Variants in NOSIP observed in about 807,000 individuals in gnomAD.
NOSIP encodes the protein nitric oxide synthase-interacting protein.
NOSIP carries 25 observed loss-of-function variants against 36.4 expected under a neutral mutation model. The ratio of observed to expected loss-of-function variants is 0.69; its 90% confidence interval spans 0.50 to 0.96. The LOEUF is 0.96. NOSIP is among the 40% of genes least tolerant of loss of function. The pLI is 0.00. For synonymous variants in NOSIP, 187 were observed against 179.2 expected (o/e 1.04, Z -0.35); for missense variants, 370 against 429.0 (o/e 0.86, Z 1.21).
intron 1 of NOSIP, among the ~76,000 whole-genome samples, chr19:49,565,487 G>A (rs146531011): frequency 8.5e-4 from 129 of 152,190 alleles, no homozygotes; most frequent in African/African-American, 2.9e-3. Flanking sequence ...CATGGTGCAC[G>A]CCTGTAATCT....
At position 49,564,245 on chromosome 19, in the gene NOSIP, G is replaced by A. The variant is rs1053023012; in HGVS notation, c.-1-3553C>T. On this transcript the variant is annotated intron_variant, in intron 1 of 8. Coordinates refer to ENST00000596358, the MANE Select transcript of NOSIP (RefSeq NM_001270960.2). ...AAGCGGGCAGATCACTTGAGGTCAG[G>A]AGTTCAAGTCCAGCCTGGCCAACAT... is the stretch of plus-strand genomic sequence containing the variant. Among the ~76,000 whole-genome samples, 21 of 152,118 alleles carry A rather than the reference G, an allele frequency of 1.4e-4. 1 individual carries two copies. The highest frequency in any genetic ancestry group is 6.8e-3 in the Middle Eastern group (2 of 294).
intron 1 of NOSIP, among the ~76,000 whole-genome samples, chr19:49,563,367 G>A (rs1299200878): frequency 6.6e-6 from 1 of 152,012 alleles, no homozygotes; most frequent in Non-Finnish European, 1.5e-5. Context: ...GTAGAGATGG[G>A]GTTTTGCCAT....
chr19:49,563,932 A>C (rs2080368850), intron 1 of NOSIP, among the ~76,000 whole-genome samples: 1 of 152,178 alleles, frequency 6.6e-6, no homozygotes, highest in African/African-American at 2.4e-5. Context: ...AGTGGTTCTC[A>C]AAGTGTGGGT....
At chr19:49,555,901 C>T (rs936799537) in intron 8 of NOSIP, 79 bp from the exon 9 acceptor site, 36 of 1,064,528 alleles carry the variant, frequency 3.4e-5, no homozygotes, top group Middle Eastern at 4.1e-4. Flanking sequence ...AGTGGGGATT[C>T]CTAAGCGGGT....
chr19:49,558,865 T>C, intron 4 of NOSIP, 32 bp downstream of exon 4: 1 of 1,580,262 alleles, frequency 6.3e-7, no homozygotes, highest in Non-Finnish European at 8.7e-7. Context: ...AGCTCCTGCC[T>C]CCGTGTGCCG....
At chr19:49,558,615 A>C (rs1285927080) in intron 4 of NOSIP, 1 of 410,310 alleles carries the variant, frequency 2.4e-6, no homozygotes, top group Non-Finnish European at 4.5e-6. Context: ...CTCGAAGTCC[A>C]TAAGGGAAAG....
chr19:49,556,007 A>G (rs1159477132), intron 8 of NOSIP, among the ~76,000 whole-genome samples, 185 bp from the exon 9 acceptor site: 2 of 146,170 alleles, frequency 1.4e-5, no homozygotes, highest in East Asian at 4.0e-4. Context: ...GGCGCAGAGA[A>G]GAGGGTAGAG....
chr19:49,568,349 C>T (rs895285489), intron 1 of NOSIP, among the ~76,000 whole-genome samples: 2 of 151,986 alleles, frequency 1.3e-5, no homozygotes, highest in Non-Finnish European at 2.9e-5. Context: ...AGTCCTAGTA[C>T]CAGATGTGGA....
chr19:49,557,972 C>T, intron 4 of NOSIP: 1 of 978,060 alleles, frequency 1.0e-6, no homozygotes, highest in Non-Finnish European at 1.2e-6. Flanking sequence ...GCCCAATAAG[C>T]ATGTGACCTG....
chr19:49,562,955 A>G (rs915242412), intron 1 of NOSIP, among the ~76,000 whole-genome samples: 4 of 152,188 alleles, frequency 2.6e-5, no homozygotes, highest in Non-Finnish European at 5.9e-5. Context: ...CCACCTAAAA[A>G]TTCTCCCAAG....
In NOSIP at chr19:49,564,465, A is replaced by C. The variant is rs199751614; in HGVS notation, c.-1-3773T>G. ...CGAGACTCCATCTCAAAAAAAAAAA[A>C]AAAAAAAAAAACAAAATAAAACTTC... On this transcript the variant is annotated intron_variant, in intron 1 of 8. Coordinates refer to ENST00000596358, the MANE Select transcript of NOSIP (RefSeq NM_001270960.2). Among the ~76,000 whole-genome samples, 55 of 151,566 alleles carry C rather than the reference A, an allele frequency of 3.6e-4. No homozygotes were observed. In the East Asian group the frequency reaches 8.7e-3, roughly 24 times the overall value.
chr19:49,572,947 T>C (rs943465948), intron 1 of NOSIP, among the ~76,000 whole-genome samples: 1 of 123,368 alleles, frequency 8.1e-6, no homozygotes, highest in Non-Finnish European at 1.6e-5. Flanking sequence ...CACTCCAGCC[T>C]GGCCAACAGA....
chr19:49,566,119 A>G (rs1047285411), intron 1 of NOSIP, among the ~76,000 whole-genome samples: 4 of 150,924 alleles, frequency 2.7e-5, no homozygotes, highest in African/African-American at 9.8e-5. Flanking sequence ...ACCCGGGTTC[A>G]CGCCATTCTC....
intron 3 of NOSIP, chr19:49,559,589 T>C (rs767674972): frequency 7.4e-6 from 2 of 270,986 alleles, no homozygotes; most frequent in South Asian, 4.2e-5. Context: ...ATACCACTAA[T>C]TGAGCACGTA....
Position 49,560,534 on chromosome 19 carries a change from G to A in NOSIP, c.70+88C>T, listed in dbSNP as rs1056133338. On this transcript the variant is annotated intron_variant, in intron 2 of 8. Transcript: ENST00000596358. The surrounding 1 kb of genome is among the most constrained non-coding windows in gnomAD (Gnocchi z 4.6). Reference sequence around the variant, plus strand: ...ATATCGGGGGCGGGAGAGAGACAGGGACAGAGGAAGCAAAACCTGGGGCAC... The same window carrying A: ...ATATCGGGGGCGGGAGAGAGACAGGAACAGAGGAAGCAAAACCTGGGGCAC... 11 of 1,000,704 alleles carry A rather than the reference G, an allele frequency of 1.1e-5. No homozygotes were observed. The highest frequency in any genetic ancestry group is 1.7e-5 in the Non-Finnish European group (11 of 647,726). 62.0% of individuals were successfully genotyped at this position (1,000,704 alleles called of 1,614,324 possible). A position where few individuals can be genotyped will look rare whatever the true frequency, so the allele number is the denominator to read the frequency against.
At chr19:49,564,176 G>A (rs2080372121) in intron 1 of NOSIP, among the ~76,000 whole-genome samples, 1 of 152,080 alleles carries the variant, frequency 6.6e-6, no homozygotes, top group African/African-American at 2.4e-5. Flanking sequence ...ACTGAAGGCC[G>A]AGCACCGTGG....
chr19:49,571,585 G>A (rs559598820), intron 1 of NOSIP, among the ~76,000 whole-genome samples: 1 of 152,264 alleles, frequency 6.6e-6, no homozygotes, highest in South Asian at 2.1e-4. Flanking sequence ...TGTCCCAGCT[G>A]GGAAATGGCA....
chr19:49,563,779 G>A (rs2122819645), intron 1 of NOSIP, among the ~76,000 whole-genome samples: 1 of 152,276 alleles, frequency 6.6e-6, no homozygotes, highest in Middle Eastern at 3.4e-3. Context: ...ACAGGTGTGA[G>A]CCACTGTGCC....
chr19:49,578,455 G>A (rs567539018), intron 1 of NOSIP, among the ~76,000 whole-genome samples: 14 of 151,724 alleles, frequency 9.2e-5, no homozygotes, highest in African/African-American at 3.1e-4. Flanking sequence ...TAGCTGGCAG[G>A]ATTTGAGTTT....
Sources: allele counts gnomAD v4.1 joint callset (sites outside exome capture counted in the v4.1 genomes callset), GRCh38; gene constraint gnomAD v4.1.1; non-coding constraint Gnocchi (gnomAD v3.1); transcripts MANE v1.5; gene names NCBI Gene and HGNC (gene_info 2026-07-23, HGNC 2026-07-21).